The following NEGR1 variants were observed in gnomAD, a reference collection of about 807,000 sequenced individuals.
The protein encoded by NEGR1 is IgLON family member 4.
Under a neutral mutation model 40.9 loss-of-function variants are expected in NEGR1, and 10 were observed. The ratio of observed to expected loss-of-function variants is 0.24; its 90% CI spans 0.15 to 0.42. NEGR1 has a LOEUF of 0.42. NEGR1 is among the 10% of genes least tolerant of loss of function. The pLI, the probability that NEGR1 is intolerant of heterozygous loss-of-function variation, is 1.00. For missense variants in NEGR1, 352 were observed against 438.9 expected (o/e 0.80, Z 1.77); for synonymous variants, 185 against 166.8 (o/e 1.11, Z -0.84).
chr1:71,951,198 A>G (rs1266652037), intron 1 of NEGR1, among the ~76,000 whole-genome samples: 1 of 151,948 alleles, frequency 6.6e-6, no homozygotes, highest in Non-Finnish European at 1.5e-5. Context: ...TTGGCAAAGT[A>G]TACTTTTGAT....
chr1:71,884,570 A>G (rs1570465970), intron 2 of NEGR1, among the ~76,000 whole-genome samples: 1 of 152,196 alleles, frequency 6.6e-6, no homozygotes, highest in Admixed American at 6.5e-5. Flanking sequence ...TTAAACTCAA[A>G]TATCATATGC....
intron 6 of NEGR1, among the ~76,000 whole-genome samples, chr1:71,430,313 T>C (rs1223557561): frequency 6.6e-6 from 1 of 152,196 alleles, no homozygotes; most frequent in Non-Finnish European, 1.5e-5. Flanking sequence ...AAACCTCAGT[T>C]TGACCTGGCC....
At chr1:71,800,435 T>C (rs577565967) in intron 2 of NEGR1, among the ~76,000 whole-genome samples, 1 of 152,316 alleles carries the variant, frequency 6.6e-6, no homozygotes, top group African/African-American at 2.4e-5. Context: ...GCCTATGTCC[T>C]GAATGGTATT....
chr1:71,495,535 C>A (rs577768165), intron 6 of NEGR1, among the ~76,000 whole-genome samples: 6 of 150,878 alleles, frequency 4.0e-5, no homozygotes, highest in African/African-American at 1.5e-4. Context: ...TTTGACTACA[C>A]AAGGAATTGC....
chr1:71,701,518 T>G (rs1021963546), intron 3 of NEGR1, among the ~76,000 whole-genome samples: 13 of 152,032 alleles, frequency 8.6e-5, no homozygotes, highest in African/African-American at 2.9e-4. Context: ...TTCTTTCACT[T>G]TTAAGGATTC....
chr1:71,722,850 A>G (rs1241985190), intron 3 of NEGR1, among the ~76,000 whole-genome samples: 1 of 152,138 alleles, frequency 6.6e-6, no homozygotes, highest in East Asian at 1.9e-4. Context: ...AAGATCAGGA[A>G]TATATCCATC....
chr1:71,912,250 C>T (rs1661438825), intron 2 of NEGR1, among the ~76,000 whole-genome samples: 1 of 152,144 alleles, frequency 6.6e-6, no homozygotes, highest in Non-Finnish European at 1.5e-5. Flanking sequence ...TTAAAGACTG[C>T]CCACCTTCCT....
intron 1 of NEGR1, among the ~76,000 whole-genome samples, chr1:71,958,267 T>C (rs1047654752): frequency 6.6e-6 from 1 of 152,210 alleles, no homozygotes; most frequent in Non-Finnish European, 1.5e-5. Flanking sequence ...AGTATTCACA[T>C]CTTTCAATTT....
intron 1 of NEGR1, among the ~76,000 whole-genome samples, chr1:72,068,037 T>C (rs1403786230): frequency 6.6e-6 from 1 of 152,176 alleles, no homozygotes; most frequent in Non-Finnish European, 1.5e-5. Context: ...CTCTTTTTTA[T>C]TAGTAGCTTC....
At chr1:72,251,555 T>C (rs1281428284) in intron 1 of NEGR1, among the ~76,000 whole-genome samples, 1 of 152,168 alleles carries the variant, frequency 6.6e-6, no homozygotes, top group Non-Finnish European at 1.5e-5. Context: ...GCATATAACC[T>C]ACCCTCATCC....
intron 4 of NEGR1, among the ~76,000 whole-genome samples, chr1:71,681,335 GTT>G (rs1652831100): frequency 6.6e-6 from 1 of 152,134 alleles, no homozygotes; most frequent in Admixed American, 6.5e-5. Flanking sequence ...ACTCTCATCT[GTT>G]TTTTGTCAAA....
chr1:72,219,921 T>A (rs560146332), intron 1 of NEGR1, among the ~76,000 whole-genome samples: 97 of 152,214 alleles, frequency 6.4e-4, no homozygotes, highest in African/African-American at 2.3e-3. Flanking sequence ...GGTTGTTACC[T>A]ACAGTTCCTT....
At chr1:71,835,815 C>T (rs185171933) in intron 2 of NEGR1, among the ~76,000 whole-genome samples, 353 of 152,184 alleles carry the variant, frequency 2.3e-3, no homozygotes, top group Non-Finnish European at 3.5e-3. Context: ...AGGTTTATCA[C>T]TTTGGTACCT....
intron 1 of NEGR1, among the ~76,000 whole-genome samples, chr1:71,940,249 A>G (rs1284286622): frequency 6.6e-6 from 1 of 152,194 alleles, no homozygotes; most frequent in East Asian, 1.9e-4. Context: ...AAAATGTTCA[A>G]TAATAAATAT....
At chr1:71,452,131 C>T (rs1302793266) in intron 6 of NEGR1, among the ~76,000 whole-genome samples, 1 of 152,194 alleles carries the variant, frequency 6.6e-6, no homozygotes, top group Non-Finnish European at 1.5e-5. Flanking sequence ...CCCCCCAACA[C>T]ACATACACAC....
chr1:71,834,908 C>G (rs558581470), intron 2 of NEGR1, among the ~76,000 whole-genome samples: 4 of 152,066 alleles, frequency 2.6e-5, no homozygotes, highest in East Asian at 1.9e-4. Flanking sequence ...CACACACACA[C>G]AGCAGTTATC....
chr1:72,194,818 A>G (rs751653016), intron 1 of NEGR1, among the ~76,000 whole-genome samples: 3 of 152,102 alleles, frequency 2.0e-5, no homozygotes, highest in African/African-American at 2.4e-5. Flanking sequence ...CTAATTGGAC[A>G]TTCATGTTGT....
chr1:72,003,638 C>G (rs1316062610), intron 1 of NEGR1, among the ~76,000 whole-genome samples: 1 of 151,938 alleles, frequency 6.6e-6, no homozygotes, highest in African/African-American at 2.4e-5. Context: ...ATTAACTAAA[C>G]TTGTTTATCC....
chr1:71,423,411 A>G (rs1646409942), intron 6 of NEGR1, among the ~76,000 whole-genome samples: 1 of 152,188 alleles, frequency 6.6e-6, no homozygotes. Flanking sequence ...ATCTCAAGAA[A>G]ATAAAATGAA....
Sources: gnomAD v4.1 joint callset for allele counts (sites outside exome capture counted in the v4.1 genomes callset) on GRCh38, gnomAD v4.1.1 for gene constraint, MANE v1.5 for transcripts, NCBI Gene and HGNC (gene_info 2026-07-23, HGNC 2026-07-21) for gene names.